BMPR1B: variants seen among roughly 807,000 people sequenced by gnomAD.
The protein encoded by BMPR1B is bone morphogenetic protein receptor type-1B.
BMPR1B carries 12 observed loss-of-function variants against 59.1 expected under a neutral mutation model. The observed-to-expected ratio is 0.20, with a 90% CI of 0.13 to 0.33. The LOEUF (loss-of-function observed/expected upper bound fraction) is 0.33, where lower values mean the gene tolerates loss of function less well. BMPR1B is among the 10% of genes least tolerant of loss of function. BMPR1B has a pLI of 1.00. For missense variants in BMPR1B, 550 were observed against 610.9 expected, an observed-to-expected ratio of 0.90 and a Z score of 1.05; for synonymous variants, 237 against 207.3, an observed-to-expected ratio of 1.14 and a Z score of -1.23.
intron 2 of BMPR1B, among the ~76,000 whole-genome samples, chr4:94,942,431 TAAAAC>T (rs1403058807): frequency 7.2e-5 from 11 of 152,184 alleles, no homozygotes; most frequent in South Asian, 6.2e-4. Flanking sequence ...GTCAAGATAA[TAAAAC>T]AAACTTTAGA....
chr4:94,886,697 T>C (rs1387016720), intron 2 of BMPR1B, among the ~76,000 whole-genome samples: 1 of 152,186 alleles, frequency 6.6e-6, no homozygotes, highest in African/African-American at 2.4e-5. Flanking sequence ...CAACATCACT[T>C]GAAGACAGAG....
intron 3 of BMPR1B, among the ~76,000 whole-genome samples, chr4:95,071,622 A>T (rs1306399149): frequency 1.5e-5 from 2 of 130,614 alleles, no homozygotes; most frequent in African/African-American, 3.0e-5. Flanking sequence ...TTATGAATAT[A>T]TATGTGTGTT....
At chr4:94,969,385 C>T (rs529767176) in intron 2 of BMPR1B, among the ~76,000 whole-genome samples, 2 of 152,116 alleles carry the variant, frequency 1.3e-5, no homozygotes, top group Admixed American at 1.3e-4. Context: ...TCACTGCGAT[C>T]GCAGTCTGTC....
chr4:95,118,297 G>C (rs1221263537), intron 6 of BMPR1B, among the ~76,000 whole-genome samples: 2 of 151,924 alleles, frequency 1.3e-5, no homozygotes, highest in African/African-American at 4.8e-5. Flanking sequence ...TTTTTACATA[G>C]CTATACCACA....
At chr4:94,799,035 G>A (rs1443339227) in intron 1 of BMPR1B, among the ~76,000 whole-genome samples, 1 of 151,478 alleles carries the variant, frequency 6.6e-6, no homozygotes, top group African/African-American at 2.4e-5. Context: ...GTGCGTTAGT[G>A]TGTGTTTCTT....
intron 3 of BMPR1B, among the ~76,000 whole-genome samples, chr4:95,090,582 T>A (rs980037288): frequency 8.5e-5 from 13 of 152,080 alleles, no homozygotes; most frequent in Non-Finnish European, 1.6e-4. Context: ...TGACAACTTT[T>A]ATGCCACACT....
At chr4:95,032,460 T>C (rs1228525589) in intron 3 of BMPR1B, among the ~76,000 whole-genome samples, 1 of 152,172 alleles carries the variant, frequency 6.6e-6, no homozygotes, top group Non-Finnish European at 1.5e-5. Context: ...CTTCAACATA[T>C]GAATTTTGAA....
At chr4:94,806,110 G>GTAAGTGTA (rs1723595659) in intron 1 of BMPR1B, among the ~76,000 whole-genome samples, 1 of 152,096 alleles carries the variant, frequency 6.6e-6, no homozygotes, top group Non-Finnish European at 1.5e-5. Flanking sequence ...TTGTAAGTGT[G>GTAAGTGTA]GTTCGATTTA....
chr4:94,883,044 C>G (rs116567159), intron 2 of BMPR1B, among the ~76,000 whole-genome samples: 1,791 of 151,820 alleles, frequency 0.012, 29 homozygotes, highest in African/African-American at 0.041. Flanking sequence ...TTAGCCTGCA[C>G]CCAATTCTCA....
chr4:95,131,086 G>C, intron 9 of BMPR1B, 129 bp from the exon 10 acceptor site: 1 of 946,890 alleles, frequency 1.1e-6, no homozygotes, highest in South Asian at 1.6e-5. Flanking sequence ...TACCATCATA[G>C]GCATAGTCAG....
intron 2 of BMPR1B, among the ~76,000 whole-genome samples, chr4:94,979,225 G>A (rs140343106): frequency 6.6e-6 from 1 of 152,100 alleles, no homozygotes; most frequent in East Asian, 1.9e-4. Flanking sequence ...CACCATCTTT[G>A]CAAAAATAAA....
intron 3 of BMPR1B, among the ~76,000 whole-genome samples, chr4:95,098,969 G>A (rs1397779864): frequency 6.6e-6 from 1 of 152,138 alleles, no homozygotes; most frequent in Non-Finnish European, 1.5e-5. Context: ...GCCTGCCTCA[G>A]CCTCCCAAAG....
intron 3 of BMPR1B, among the ~76,000 whole-genome samples, chr4:95,069,113 G>T (rs1728078293): frequency 2.0e-5 from 3 of 152,158 alleles, no homozygotes; most frequent in African/African-American, 7.2e-5. Flanking sequence ...CAATTTCTAA[G>T]AATCTATCGA....
At chr4:94,844,844 C>A (rs1419741271) in intron 1 of BMPR1B, among the ~76,000 whole-genome samples, 1 of 152,176 alleles carries the variant, frequency 6.6e-6, no homozygotes, top group Non-Finnish European at 1.5e-5. Flanking sequence ...GTCAGTGAAT[C>A]ATGTTTTTCA....
At chr4:95,109,049 A>T (rs969855950) in intron 4 of BMPR1B, among the ~76,000 whole-genome samples, 18 of 152,052 alleles carry the variant, frequency 1.2e-4, no homozygotes, top group African/African-American at 4.3e-4. Flanking sequence ...TTTGCATATC[A>T]TTCCTTGTTT....
Position 95,130,002 on chromosome 4 carries a change from C to G in BMPR1B, c.726C>G (p.Phe242Leu), listed in dbSNP as rs376819253. The G allele has an allele frequency of 5.9e-5, 96 of 1,613,898 alleles. No individual in the cohort carries two copies. Among genetic ancestry groups the G allele is most frequent in the Middle Eastern group, 3.3e-4 (2 of 6,054 alleles). ...TCACCACAGAGGAAGCCAGCTGGTT[C>G]AGAGAGACAGAAATATATCAGACAG... The part of the protein sequence containing the change: ...VFFTTEEASW[F>L]RETEIYQTVL... Residue 242 changes from phenylalanine (F) to leucine (L), a missense_variant, in exon 9 of 13, where the codon TTC becomes TTG. This residue lies in a region of BMPR1B where 318 missense variants were observed against 284.6 expected (regional missense o/e 1.12). Transcript: ENST00000515059.
chr4:94,989,020 C>G (rs918136027), intron 2 of BMPR1B, among the ~76,000 whole-genome samples: 1 of 152,032 alleles, frequency 6.6e-6, no homozygotes, highest in African/African-American at 2.4e-5. Context: ...TTTGCTTGTA[C>G]CCATTTTCCC....
chr4:95,038,592 T>C (rs541134500), intron 3 of BMPR1B, among the ~76,000 whole-genome samples: 2 of 152,358 alleles, frequency 1.3e-5, no homozygotes, highest in South Asian at 2.1e-4. Flanking sequence ...TTCTTTTGCC[T>C]AACTTCATAA....
At chr4:95,105,644 T>A (rs1731150390) in intron 4 of BMPR1B, among the ~76,000 whole-genome samples, 1 of 151,978 alleles carries the variant, frequency 6.6e-6, no homozygotes, top group South Asian at 2.1e-4. Flanking sequence ...TAAATATATA[T>A]CTCATTTAAT....
Sources: allele counts gnomAD v4.1 joint callset (sites outside exome capture counted in the v4.1 genomes callset), GRCh38; gene constraint gnomAD v4.1.1; regional missense constraint gnomAD v4.1.1; transcripts MANE v1.5; gene names NCBI Gene and HGNC (gene_info 2026-07-23, HGNC 2026-07-21).